WDR43: variants seen among roughly 807,000 people sequenced by gnomAD.
WDR43 encodes WD repeat-containing protein 43.
Under a neutral mutation model 91.4 loss-of-function variants are expected in WDR43, and 13 were observed. The observed-to-expected ratio is 0.14, with a 90% CI of 0.09 to 0.23. The LOEUF (loss-of-function observed/expected upper bound fraction) is 0.23, where lower values mean the gene tolerates loss of function less well. Ranked by LOEUF, WDR43 falls within the 10% of genes least tolerant of loss-of-function variation. WDR43 has a pLI of 1.00. For synonymous variants in WDR43, 331 were observed against 287.9 expected (o/e 1.15, Z -1.51); for missense variants, 780 against 809.4 (o/e 0.96, Z 0.44).
chr2:28,945,242 A>G (rs1037891189), intron 16 of WDR43, among the ~76,000 whole-genome samples: 3 of 152,224 alleles, frequency 2.0e-5, no homozygotes, highest in Non-Finnish European at 4.4e-5. Context: ...TCTTAAAAAA[A>G]TAGGAATCCC....
At chr2:28,904,978 A>G (rs1670650831) in intron 2 of WDR43, 1 of 152,346 alleles carries the variant, frequency 6.6e-6, no homozygotes, top group South Asian at 2.1e-4. Context: ...GCATGTGACT[A>G]TTTGTCAGAT....
intron 1 of WDR43, chr2:28,895,862 G>T (rs893430418): frequency 1.3e-5 from 2 of 152,158 alleles, no homozygotes; most frequent in Non-Finnish European, 2.9e-5. Context: ...GTATCCTGAG[G>T]TGTGTGATGT....
intron 4 of WDR43, 35 bp downstream of exon 4, chr2:28,912,745 T>TA: frequency 1.2e-6 from 2 of 1,608,690 alleles, no homozygotes; most frequent in Non-Finnish European, 1.7e-6. Flanking sequence ...GCATAAAAAT[T>TA]ATAGAGTAAA....
intron 15 of WDR43, among the ~76,000 whole-genome samples, chr2:28,942,059 A>G (rs905148618): frequency 1.3e-5 from 2 of 152,228 alleles, no homozygotes; most frequent in Non-Finnish European, 2.9e-5. Context: ...AGTAAGTTAT[A>G]GGATATTTAT....
rs1558364425 is a variant in WDR43 at position 28,894,735 on chromosome 2, G to C, written c.37G>C (p.Ala13Pro). ...CGGCGGCGGTAGCTGCGACCCCCTG[G>C]CCCCTGCTGGGGTCCCTTGCGCCTT... Reference protein sequence around the residue: ...AGGGGSCDPLAPAGVPCAFSP... With the variant: ...AGGGGSCDPLPPAGVPCAFSP... Residue 13 changes from alanine (A) to proline (P), a missense_variant, in exon 1 of 18, where the codon GCC becomes CCC. Physicochemically the swap from Ala to Pro is conservative, Grantham distance 27 (BLOSUM62 -1). Around this residue, in one of 4 missense-constraint regions of WDR43, gnomAD observed 175 missense variants for 113.8 expected, o/e 1.54. Coordinates refer to ENST00000407426, the MANE Select transcript of WDR43 (RefSeq NM_015131.3). 1 of 1,584,664 alleles carries C rather than the reference G, an allele frequency of 6.3e-7. No homozygotes were observed. Among genetic ancestry groups the C allele is most frequent in the Non-Finnish European group, 8.6e-7 (1 of 1,166,486 alleles).
chr2:28,916,567 A>G (rs1193699510), intron 5 of WDR43, among the ~76,000 whole-genome samples: 1 of 152,094 alleles, frequency 6.6e-6, no homozygotes, highest in Non-Finnish European at 1.5e-5. Flanking sequence ...TGAAAAGATT[A>G]TCTCTGCTGA....
chr2:28,907,612 C>CA (rs112486794), intron 3 of WDR43, among the ~76,000 whole-genome samples: 1,739 of 132,518 alleles, frequency 0.013, 30 homozygotes, highest in African/African-American at 0.041. Flanking sequence ...GACGCTGTCT[C>CA]AAAAAAAAAA....
chr2:28,943,236 C>G (rs1671482180), intron 16 of WDR43, among the ~76,000 whole-genome samples: 2 of 151,812 alleles, frequency 1.3e-5, no homozygotes, highest in Non-Finnish European at 2.9e-5. Context: ...CTCTTACACT[C>G]AAGCGATCAT....
rs144349933 is a variant in WDR43, at chr2:28,932,164, C to A, written c.1437+2454C>A. On this transcript the variant is annotated intron_variant, in intron 11 of 17. Coordinates refer to ENST00000407426, the MANE Select transcript of WDR43 (RefSeq NM_015131.3). ...AAGTGCTGGCATAGAATAGCCCTTT[C>A]AGAAAATTTTTATTCTATTGATTGA... 6.1e-3 allele frequency among the ~76,000 whole-genome samples: 925 copies of A among 152,274 alleles called. 10 individuals carry two copies. The highest frequency in any genetic ancestry group is 0.021 in the African/African-American group (862 of 41,550).
At chr2:28,895,623 G>A (rs1670465639) in intron 1 of WDR43, among the ~76,000 whole-genome samples, 1 of 152,002 alleles carries the variant, frequency 6.6e-6, no homozygotes, top group South Asian at 2.1e-4. Flanking sequence ...TGGAGGTTAA[G>A]TGAAGTAGTA....
chr2:28,942,677 T>C (rs1175129139), intron 16 of WDR43, among the ~76,000 whole-genome samples: 3 of 151,384 alleles, frequency 2.0e-5, no homozygotes, highest in African/African-American at 7.3e-5. Context: ...TGCAGTGCTG[T>C]GATCACAGCT....
At chr2:28,932,528 G>A (rs887355688) in intron 11 of WDR43, among the ~76,000 whole-genome samples, 2 of 152,110 alleles carry the variant, frequency 1.3e-5, no homozygotes, top group East Asian at 3.9e-4. Flanking sequence ...AGGAGATTAT[G>A]CATTTATATA....
At position 28,894,900 on chromosome 2, in the gene WDR43, G is replaced by A; in HGVS notation, c.202G>A (p.Ala68Thr). The change falls in exon 1 of 18, where the codon GCG (alanine) becomes ACG (threonine). Residue 68 changes from alanine to threonine, a missense_variant. Physicochemically the swap from Ala to Thr is moderately conservative, Grantham distance 58 (BLOSUM62 0). This residue lies in a region of WDR43 where 175 missense variants were observed against 113.8 expected (regional missense o/e 1.54). Transcript: ENST00000407426. Reference sequence around the variant, plus strand: ...TGGTACCTGCACCTGTCTGGCCTGGGCGCCAGCGCGGCTGCAGGCCAAGGT... The same window carrying A: ...TGGTACCTGCACCTGTCTGGCCTGGACGCCAGCGCGGCTGCAGGCCAAGGT... ...LSGTCTCLAW[A>T]PARLQAKESP... 1 of 1,598,866 alleles carries A rather than the reference G, an allele frequency of 6.3e-7. No individual in the cohort carries two copies. Among genetic ancestry groups the A allele is most frequent in the Non-Finnish European group, 8.5e-7 (1 of 1,173,300 alleles).
At chr2:28,899,055 C>T (rs1397661463) in intron 1 of WDR43, among the ~76,000 whole-genome samples, 1 of 152,184 alleles carries the variant, frequency 6.6e-6, no homozygotes, top group Admixed American at 6.5e-5. Context: ...TTTCAGTATT[C>T]GTTGCTTAAC....
chr2:28,914,334 A>G lies in WDR43; in HGVS notation c.746+126A>G, dbSNP rs1438660644. On this transcript the variant is annotated intron_variant, in intron 5 of 17. Transcript: ENST00000407426. ...TAATGTTGGATTTACATTGAGTCAT[A>G]ATAAAAAATTGAGCCTGCCTACAAA... 13 of 1,233,902 alleles carry G rather than the reference A, an allele frequency of 1.1e-5. No individual in the cohort carries two copies. In the Admixed American group the frequency reaches 3.2e-4, roughly 31 times the overall value. 76.4% of individuals were successfully genotyped at this position (1,233,902 alleles called of 1,614,324 possible). A position where few individuals can be genotyped will look rare whatever the true frequency, so the allele number is the denominator to read the frequency against.
Position 28,922,955 on chromosome 2 carries a change from G to C in WDR43, c.886G>C (p.Val296Leu). 1.2e-6 allele frequency: 2 copies of C among 1,611,560 alleles called. No homozygotes were observed. The highest frequency in any genetic ancestry group is 1.7e-6 in the Non-Finnish European group (2 of 1,179,326). ...GGCTGTTGTTTGCAGAGATGGTCAA[G>C]TCCATCTTTTTGAACACATATTAAA... ...KLAVVCRDGQ[V>L]HLFEHILNGY... Residue 296 changes from valine to leucine, a missense_variant, in exon 7 of 18, where the codon GTC (valine) becomes CTC (leucine). Coordinates refer to ENST00000407426, the MANE Select transcript of WDR43 (RefSeq NM_015131.3).
At chr2:28,929,196 CTG>C (rs1671197461) in intron 10 of WDR43, among the ~76,000 whole-genome samples, 1 of 152,166 alleles carries the variant, frequency 6.6e-6, no homozygotes, top group East Asian at 1.9e-4. Context: ...TCCTGCAGAT[CTG>C]AGAGTGACAC....
intron 11 of WDR43, among the ~76,000 whole-genome samples, chr2:28,931,628 T>G (rs1229211901): frequency 1.3e-5 from 2 of 151,668 alleles, no homozygotes; most frequent in Non-Finnish European, 2.9e-5. Context: ...GTTAGATCTA[T>G]AAGCTAGAAG....
chr2:28,942,603 ATTTT>A (rs10716859), intron 16 of WDR43, among the ~76,000 whole-genome samples: 1 of 146,390 alleles, frequency 6.8e-6, no homozygotes, highest in Non-Finnish European at 1.5e-5. Context: ...GTTATGGAAG[ATTTT>A]TTTTTTCTTT....
Sources: allele counts gnomAD v4.1 joint callset (sites outside exome capture counted in the v4.1 genomes callset), GRCh38; gene constraint gnomAD v4.1.1; regional missense constraint gnomAD v4.1.1; transcripts MANE v1.5; gene names NCBI Gene and HGNC (gene_info 2026-07-23, HGNC 2026-07-21).